The following PHIP variants were observed in gnomAD, a reference collection of about 807,000 sequenced individuals.
PHIP encodes the protein PH-interacting protein.
PHIP carries 54 observed loss-of-function variants against 236.8 expected under a neutral mutation model. The observed-to-expected ratio is 0.23, with a 90% confidence interval of 0.18 to 0.29. The LOEUF (loss-of-function observed/expected upper bound fraction) is 0.29, where lower values mean the gene tolerates loss of function less well. Ranked by LOEUF, PHIP falls within the 10% of genes least tolerant of loss-of-function variation. The probability of loss-of-function intolerance (pLI) is 1.00; values close to 1 mark genes in which losing one functional copy is unlikely to be tolerated. For synonymous variants in PHIP, 756 were observed against 718.9 expected (o/e 1.05, Z -0.83); for missense variants, 1,370 against 2,190.8 (o/e 0.63, Z 7.48).
chr6:79,062,459 A>G (rs1773424647), intron 4 of PHIP, among the ~76,000 whole-genome samples: 1 of 152,224 alleles, frequency 6.6e-6, no homozygotes, highest in Admixed American at 6.5e-5. Context: ...GGTTGCTTCC[A>G]GTTCTAAGCT....
chr6:78,993,079 C>T (rs9359360), intron 19 of PHIP, among the ~76,000 whole-genome samples: 49,651 of 152,090 alleles, frequency 0.33, 9,763 homozygotes, highest in East Asian at 0.69. Flanking sequence ...ATAGTTTTTG[C>T]GGTCTGGATA....
At chr6:78,978,928 C>T (rs1047526165) in intron 23 of PHIP, among the ~76,000 whole-genome samples, 1 of 151,990 alleles carries the variant, frequency 6.6e-6, no homozygotes, top group East Asian at 1.9e-4. Flanking sequence ...CCACAAAGTT[C>T]CAACAGGCAA....
intron 6 of PHIP, among the ~76,000 whole-genome samples, chr6:79,049,001 G>A (rs554189806): frequency 2.0e-5 from 3 of 152,058 alleles, no homozygotes; most frequent in East Asian, 1.9e-4. Context: ...CAGACAAGAC[G>A]CATCAGTATT....
Position 79,025,968 on chromosome 6 carries a change from T to C in PHIP, c.797A>G (p.His266Arg), listed in dbSNP as rs1270288366. The C allele has an allele frequency of 1.9e-6, 3 of 1,612,712 alleles. No individual in the cohort carries two copies. The highest frequency in any genetic ancestry group is 1.7e-6 in the Non-Finnish European group (2 of 1,178,768). The change falls in exon 8 of 40, where the codon CAT becomes CGT. Residue 266 changes from histidine to arginine, a missense_variant. His to Arg is a conservative substitution (Grantham distance 29). Transcript: ENST00000275034. Reference protein sequence around the residue: ...TCAPLAVLQGHSASITSLQFS... With the variant: ...TCAPLAVLQGRSASITSLQFS... ...CTGTAGTGATGTAATAGATGCACTA[T>C]GGCCCTGAAGAACAGCCAAAGGTGC...
At chr6:78,981,097 A>T (rs1001566480) in intron 23 of PHIP, among the ~76,000 whole-genome samples, 9 of 152,052 alleles carry the variant, frequency 5.9e-5, no homozygotes, top group African/African-American at 2.2e-4. Context: ...TCTGTCACTT[A>T]TTAATTATAA....
chr6:79,045,373 G>A (rs926194409), intron 6 of PHIP, among the ~76,000 whole-genome samples: 2 of 152,104 alleles, frequency 1.3e-5, no homozygotes, highest in Non-Finnish European at 2.9e-5. Context: ...TTTTTATAAA[G>A]ATAGAAGGAT....
Position 78,968,122 on chromosome 6 carries a change from G to A in PHIP, c.3205+1713C>T, listed in dbSNP as rs527864340. 7.2e-5 allele frequency among the ~76,000 whole-genome samples: 11 copies of A among 152,196 alleles called. No individual in the cohort carries two copies. In the East Asian group the frequency reaches 1.7e-3, roughly 24 times the overall value. Reference sequence around the variant, plus strand: ...TGCACTCCAGCCTGGGTGACAGAGCGAGACTCCATCTCAAAAATAAAATAA... The same window carrying A: ...TGCACTCCAGCCTGGGTGACAGAGCAAGACTCCATCTCAAAAATAAAATAA... On this transcript the variant is annotated intron_variant, in intron 27 of 39. Transcript: ENST00000275034.
intron 15 of PHIP, among the ~76,000 whole-genome samples, chr6:79,010,171 T>A (rs185951025): frequency 1.3e-5 from 2 of 151,848 alleles, no homozygotes; most frequent in East Asian, 3.9e-4. Context: ...TAATAAGAGA[T>A]AACACAATAT....
At chr6:79,055,104 A>C (rs1773004006) in intron 6 of PHIP, among the ~76,000 whole-genome samples, 1 of 152,122 alleles carries the variant, frequency 6.6e-6, no homozygotes, top group Admixed American at 6.6e-5. Context: ...ACTTAATAGC[A>C]AACCTCCACA....
intron 15 of PHIP, among the ~76,000 whole-genome samples, chr6:79,004,204 G>A (rs1209934780): frequency 6.6e-6 from 1 of 152,038 alleles, no homozygotes; most frequent in Non-Finnish European, 1.5e-5. Flanking sequence ...TTCTGCAAAA[G>A]CTGACATGTA....
intron 6 of PHIP, among the ~76,000 whole-genome samples, chr6:79,059,829 T>C (rs1773276897): frequency 6.6e-6 from 1 of 151,556 alleles, no homozygotes; most frequent in Admixed American, 6.6e-5. Context: ...TACAACACTA[T>C]TAAAATATCT....
At chr6:78,997,221 T>C (rs1457877860) in intron 19 of PHIP, among the ~76,000 whole-genome samples, 193 bp downstream of exon 19, 1 of 152,158 alleles carries the variant, frequency 6.6e-6, no homozygotes, top group Non-Finnish European at 1.5e-5. Flanking sequence ...ATCATTCTTA[T>C]CATTTACATA....
At chr6:78,968,811 C>T (rs1767326097) in intron 27 of PHIP, among the ~76,000 whole-genome samples, 1 of 152,144 alleles carries the variant, frequency 6.6e-6, no homozygotes, top group Admixed American at 6.5e-5. Flanking sequence ...TCTAACAGCT[C>T]AAGCTGTAAA....
At position 79,015,719 on chromosome 6, in the gene PHIP, G is replaced by A; in HGVS notation, c.1300C>T (p.Arg434Ter). The change falls in exon 14 of 40, where the codon CGA becomes TGA. Residue 434 changes from arginine to a stop codon, truncating the protein, a stop_gained. Coordinates refer to ENST00000275034, the MANE Select transcript of PHIP (RefSeq NM_017934.7). LOFTEE classifies it high-confidence loss of function. ...GCAGTTATAACTGTATTGTCATGTC[G>A]ATCCCAAGCTACCATAGTAACCTTC... is the stretch of plus-strand genomic sequence containing the variant. Reference protein sequence around the residue: ...KMKVTMVAWDRHDNTVITAVN... With the variant: ...KMKVTMVAWD The A allele has an allele frequency of 2.5e-6, 4 of 1,609,260 alleles. No homozygotes were observed. Among genetic ancestry groups the A allele is most frequent in the Non-Finnish European group, 3.4e-6 (4 of 1,176,194 alleles).
At chr6:79,035,452 A>T (rs1771882844) in intron 7 of PHIP, among the ~76,000 whole-genome samples, 2 of 152,170 alleles carry the variant, frequency 1.3e-5, no homozygotes, top group Non-Finnish European at 2.9e-5. Flanking sequence ...TAAAATATTG[A>T]CCTATGTACC....
intron 2 of PHIP, 32 bp downstream of exon 2, chr6:79,077,823 G>GCCGGC (rs992990146): frequency 1.3e-4 from 171 of 1,295,118 alleles, no homozygotes; most frequent in Non-Finnish European, 1.6e-4. Context: ...AGCGGCGAGC[G>GCCGGC]CCGGCCCGGC....
chr6:78,949,490 C>A (rs1407882510), intron 35 of PHIP, among the ~76,000 whole-genome samples: 1 of 152,016 alleles, frequency 6.6e-6, no homozygotes, highest in Non-Finnish European at 1.5e-5. Context: ...TGCCCCAGGG[C>A]CCACTGGAAT....
At chr6:78,955,511 CAAAA>C (rs1161770754) in intron 33 of PHIP, 98 bp downstream of exon 33, 1 of 552,556 alleles carries the variant, frequency 1.8e-6, no homozygotes, top group East Asian at 3.2e-5. Context: ...CTACACTAGA[CAAAA>C]AATAATGTTC....
intron 14 of PHIP, 41 bp from the exon 15 acceptor site, chr6:79,015,257 A>C: frequency 6.8e-7 from 1 of 1,462,240 alleles, no homozygotes; most frequent in Non-Finnish European, 9.5e-7. Context: ...TAGATATTAA[A>C]AAAGAAAGAA....
Sources: gnomAD v4.1 joint callset for allele counts (sites outside exome capture counted in the v4.1 genomes callset) on GRCh38, gnomAD v4.1.1 for gene constraint, MANE v1.5 for transcripts, NCBI Gene and HGNC (gene_info 2026-07-23, HGNC 2026-07-21) for gene names.